The following IL6ST variants were observed in gnomAD, a reference collection of about 807,000 sequenced individuals.
IL6ST encodes the protein interleukin-6 receptor subunit beta.
In IL6ST, 24 loss-of-function variants were observed where a neutral mutation model predicts 91.3. That is an observed-to-expected ratio of 0.26 (90% CI 0.19 to 0.37). The LOEUF (loss-of-function observed/expected upper bound fraction) is 0.37, where lower values mean the gene tolerates loss of function less well. Among genes scored for constraint, IL6ST ranks in the 10% least tolerant of loss-of-function variants. The pLI is 1.00. For synonymous variants in IL6ST, 351 were observed against 373.6 expected, an observed-to-expected ratio of 0.94 and a Z score of 0.70; for missense variants, 914 against 1,078.5, an observed-to-expected ratio of 0.85 and a Z score of 2.14.
chr5:55,985,898 C>G (rs1308230998), intron 1 of IL6ST, among the ~76,000 whole-genome samples: 1 of 152,076 alleles, frequency 6.6e-6, no homozygotes, highest in African/African-American at 2.4e-5. Context: ...CAAAAGCAAC[C>G]ATAGAAAATA....
Position 55,983,779 on chromosome 5 carries a change from T to A in IL6ST, c.-103-968A>T, listed in dbSNP as rs532342886. Among the ~76,000 whole-genome samples the A allele has an allele frequency of 1.1e-4, 16 of 152,338 alleles. No individual in the cohort carries two copies. The South Asian group carries it at 2.7e-3, about 26-fold the overall frequency. On this transcript the variant is annotated intron_variant, in intron 1 of 16. Coordinates refer to ENST00000381298, the MANE Select transcript of IL6ST (RefSeq NM_002184.4). ...GTGGATATTCTTGCAAAATTTTTTA[T>A]ACATGTATTATATAACTTTACATTG...
intron 2 of IL6ST, among the ~76,000 whole-genome samples, chr5:55,977,005 T>C (rs1003648644): frequency 6.6e-6 from 1 of 152,130 alleles, no homozygotes; most frequent in Non-Finnish European, 1.5e-5. Flanking sequence ...ATAAGACTTA[T>C]ACTCAAATGT....
chr5:55,960,485 A>G lies in IL6ST; in HGVS notation c.890T>C (p.Phe297Ser). ...QDLKPFTEYV[F>S]RIRCMKEDGK... ...ATCTTCCTTCATACAGCGAATCCTA[A>G]ACACATATTCTGTAAAAGGTTTAAG... is the stretch of plus-strand genomic sequence containing the variant. The change falls in exon 8 of 17, where the codon TTT becomes TCT. Residue 297 changes from phenylalanine to serine, a missense_variant. Coordinates refer to ENST00000381298, the MANE Select transcript of IL6ST (RefSeq NM_002184.4). The G allele has an allele frequency of 6.2e-7, 1 of 1,614,018 alleles. No individual in the cohort carries two copies. The highest frequency in any genetic ancestry group is 2.2e-5 in the East Asian group (1 of 44,868).
chr5:55,970,523 C>T (rs907733623), intron 3 of IL6ST, among the ~76,000 whole-genome samples: 3 of 151,822 alleles, frequency 2.0e-5, no homozygotes, highest in Non-Finnish European at 1.5e-5. Flanking sequence ...GCCATCTGTA[C>T]TAAAAACAAA....
At chr5:55,982,931 A>G (rs1383978398) in intron 1 of IL6ST, 120 bp from the exon 2 acceptor site, 2 of 383,754 alleles carry the variant, frequency 5.2e-6, no homozygotes, top group African/African-American at 4.2e-5. Flanking sequence ...CCTACTTTAG[A>G]TATGTTCTGA....
chr5:55,971,232 C>T (rs1752947428), intron 3 of IL6ST, among the ~76,000 whole-genome samples: 1 of 152,220 alleles, frequency 6.6e-6, no homozygotes, highest in Admixed American at 6.5e-5. Context: ...CTGTAGTCAT[C>T]TTCCAACATC....
chr5:55,978,377 G>A (rs1361667203), intron 2 of IL6ST: 1 of 152,210 alleles, frequency 6.6e-6, no homozygotes, highest in Non-Finnish European at 1.5e-5. Flanking sequence ...TTTGAAGACT[G>A]TAAGTAAGCC....
Position 55,957,294 on chromosome 5 carries a change from A to G in IL6ST, c.974-3T>C. The G allele has an allele frequency of 7.0e-7, 1 of 1,438,008 alleles. No individual in the cohort carries two copies. The highest frequency in any genetic ancestry group is 1.3e-5 in the South Asian group (1 of 79,256). 89.1% of individuals were successfully genotyped at this position (1,438,008 alleles called of 1,614,324 possible). On this transcript the variant is annotated splice_polypyrimidine_tract_variant and splice_region_variant and intron_variant, in intron 8 of 16. Coordinates refer to ENST00000381298, the MANE Select transcript of IL6ST (RefSeq NM_002184.4). ...GAAACTTGGTGCTTTAGATGGTCCT[A>G]AAGAAAAGACATAAACTCCTTAAAA...
chr5:55,988,767 C>CAAA (rs34387197), intron 1 of IL6ST, among the ~76,000 whole-genome samples: 9 of 99,200 alleles, frequency 9.1e-5, no homozygotes, highest in African/African-American at 3.4e-4. Context: ...ACTCCATCTC[C>CAAA]AAAAAAAAAA....
rs1447694283 is a variant in IL6ST, at chr5:55,951,570, T to G, written c.1734A>C (p.Thr578=). 1 of 1,612,408 alleles carries G rather than the reference T, an allele frequency of 6.2e-7. No individual in the cohort carries two copies. The highest frequency in any genetic ancestry group is 1.3e-5 in the African/African-American group (1 of 74,876). ...ATGTGTCACTAGTCAAAGAGGACAA[T>G]GTATATTCTGTGTGGGAAGAATCCA... is the stretch of plus-strand genomic sequence containing the variant. The part of the protein sequence containing the change: ...VNVDSSHTEY[T]LSSLTSDTLY... The change falls in exon 14 of 17, where the codon ACA becomes ACC. Residue 578 remains threonine, a synonymous_variant. Coordinates refer to ENST00000381298, the MANE Select transcript of IL6ST (RefSeq NM_002184.4).
chr5:55,982,946 C>A, intron 1 of IL6ST, 135 bp from the exon 2 acceptor site: 4 of 354,832 alleles, frequency 1.1e-5, no homozygotes, highest in East Asian at 4.1e-5. Context: ...TTCTGAGCTT[C>A]AGAATAAAAT....
intron 1 of IL6ST, among the ~76,000 whole-genome samples, chr5:55,984,047 G>A (rs1475615050): frequency 1.3e-5 from 2 of 150,856 alleles, no homozygotes; most frequent in South Asian, 2.1e-4. Context: ...TTCTAAAATA[G>A]GCTAGCAAAC....
intron 3 of IL6ST, among the ~76,000 whole-genome samples, chr5:55,972,894 A>G (rs1753044702): frequency 6.6e-6 from 1 of 151,594 alleles, no homozygotes; most frequent in Admixed American, 6.6e-5. Flanking sequence ...AATTCCAGCT[A>G]CTCAGGAGGC....
chr5:55,990,433 C>T (rs890413353), intron 1 of IL6ST, among the ~76,000 whole-genome samples: 1 of 152,198 alleles, frequency 6.6e-6, no homozygotes, highest in African/African-American at 2.4e-5. Flanking sequence ...TGAATTCTTT[C>T]CTTTATCCTC....
chr5:55,941,349 A>G lies in IL6ST; in HGVS notation c.2490T>C (p.His830=), dbSNP rs1314821181. ...ATGAAACTTGCTTTGACCTTTCAAA[A>G]TGTGAAATATCTGGACTGGATTCAT... ...SQHESSPDIS[H]FERSKQVSSV... is the part of the protein sequence containing the mutation. Residue 830 remains histidine, a synonymous_variant, in exon 17 of 17, where the codon CAT becomes CAC. Coordinates refer to ENST00000381298, the MANE Select transcript of IL6ST (RefSeq NM_002184.4). 1.2e-6 allele frequency: 2 copies of G among 1,614,032 alleles called. No individual in the cohort carries two copies. The highest frequency in any genetic ancestry group is 1.3e-5 in the African/African-American group (1 of 74,936).
At chr5:55,963,323 A>G (rs1335133648) in intron 7 of IL6ST, 29 bp downstream of exon 7, 1 of 1,490,926 alleles carries the variant, frequency 6.7e-7, no homozygotes, top group South Asian at 1.2e-5. Context: ...AAGAAGGACT[A>G]TTTGAATAAA....
At chr5:55,945,785 G>C (rs776599101) in intron 15 of IL6ST, among the ~76,000 whole-genome samples, 1 of 149,980 alleles carries the variant, frequency 6.7e-6, no homozygotes, top group Non-Finnish European at 1.5e-5. Context: ...CGAGTAGCTG[G>C]GATTACTGAC....
In IL6ST at chr5:55,952,244, A is replaced by G; in HGVS notation, c.1552+6T>C. On this transcript the variant is annotated splice_donor_region_variant and intron_variant, in intron 12 of 16. Transcript: ENST00000381298. The stretch of plus-strand genomic sequence containing the variant: ...TTTTTTTTCAAAGAAGTGAGTTTGG[A>G]CTTACGAGCTTGTTTAAGGTATGCC... The G allele has an allele frequency of 6.3e-7, 1 of 1,597,328 alleles. No homozygotes were observed. Among genetic ancestry groups the G allele is most frequent in the Non-Finnish European group, 8.6e-7 (1 of 1,167,346 alleles).
chr5:55,987,340 G>A (rs951193457), intron 1 of IL6ST, among the ~76,000 whole-genome samples: 22 of 152,150 alleles, frequency 1.4e-4, no homozygotes, highest in African/African-American at 5.1e-4. Flanking sequence ...ATGCTAACAA[G>A]TATTTAGCCT....
Sources: gnomAD v4.1 joint callset for allele counts (sites outside exome capture counted in the v4.1 genomes callset) on GRCh38, gnomAD v4.1.1 for gene constraint, MANE v1.5 for transcripts, NCBI Gene and HGNC (gene_info 2026-07-23, HGNC 2026-07-21) for gene names.